The following KLHL29 variants were observed in gnomAD, a reference collection of about 807,000 sequenced individuals.
The protein encoded by KLHL29 is kelch-like protein 29.
In KLHL29, 21 loss-of-function variants were observed where a neutral mutation model predicts 80.4. The ratio of observed to expected loss-of-function variants is 0.26; its 90% CI spans 0.19 to 0.38. The LOEUF (loss-of-function observed/expected upper bound fraction) is 0.38, where lower values mean the gene tolerates loss of function less well. Ranked by LOEUF, KLHL29 falls within the 10% of genes least tolerant of loss-of-function variation. KLHL29 has a pLI of 1.00. For synonymous variants in KLHL29, 511 were observed against 526.8 expected (o/e 0.97, Z 0.41); for missense variants, 867 against 1,223.9 (o/e 0.71, Z 4.35).
intron 1 of KLHL29, among the ~76,000 whole-genome samples, chr2:23,388,566 C>G (rs550216792): frequency 6.6e-6 from 1 of 152,168 alleles, no homozygotes; most frequent in Non-Finnish European, 1.5e-5. Context: ...CATGCATTTC[C>G]ATGGTGATCC....
chr2:23,555,018 A>G (rs1667247583), intron 2 of KLHL29, among the ~76,000 whole-genome samples: 1 of 152,084 alleles, frequency 6.6e-6, no homozygotes, highest in Non-Finnish European at 1.5e-5. Context: ...GGCCTGGGAC[A>G]TGAGGGCACT....
intron 1 of KLHL29, among the ~76,000 whole-genome samples, chr2:23,387,267 C>CGAA (rs1054494306): frequency 1.3e-5 from 2 of 152,264 alleles, no homozygotes; most frequent in African/African-American, 4.8e-5. Flanking sequence ...CTGCAGGTTC[C>CGAA]AGCCTCTCTC....
chr2:23,396,074 A>G (rs1336970555), intron 1 of KLHL29, among the ~76,000 whole-genome samples: 1 of 152,236 alleles, frequency 6.6e-6, no homozygotes, highest in Non-Finnish European at 1.5e-5. Context: ...TTTTATAACA[A>G]TTGGGTCTAG....
intron 1 of KLHL29, among the ~76,000 whole-genome samples, chr2:23,461,755 C>G (rs572780354): frequency 3.6e-4 from 55 of 152,076 alleles, no homozygotes; most frequent in African/African-American, 1.3e-3. Context: ...GATGACTTTG[C>G]CTAATAAAAT....
chr2:23,394,659 T>C (rs771332526), intron 1 of KLHL29, among the ~76,000 whole-genome samples: 28 of 152,270 alleles, frequency 1.8e-4, no homozygotes, highest in Non-Finnish European at 3.2e-4. Flanking sequence ...ATCATATGTT[T>C]AGCCACATTG....
At chr2:23,465,375 C>A (rs1202774623) in intron 1 of KLHL29, among the ~76,000 whole-genome samples, 1 of 152,254 alleles carries the variant, frequency 6.6e-6, no homozygotes, top group East Asian at 1.9e-4. Context: ...CACCTCCTGC[C>A]TCTCTGTGTG....
chr2:23,578,368 A>T (rs980198500), intron 3 of KLHL29, among the ~76,000 whole-genome samples: 3 of 152,252 alleles, frequency 2.0e-5, no homozygotes, highest in Non-Finnish European at 4.4e-5. Context: ...GTGTGACCTT[A>T]GCAAGTTGCT....
chr2:23,618,948 G>A (rs1309513565), intron 3 of KLHL29, among the ~76,000 whole-genome samples: 1 of 152,244 alleles, frequency 6.6e-6, no homozygotes, highest in East Asian at 1.9e-4. Context: ...GCCGTGAACT[G>A]TGTGAATAGA....
At chr2:23,649,346 G>A (rs35706095) in intron 5 of KLHL29, among the ~76,000 whole-genome samples, 66 of 152,340 alleles carry the variant, frequency 4.3e-4, no homozygotes, top group African/African-American at 1.6e-3. Context: ...ACCTGCCCCA[G>A]CCCTGCTCAG....
rs1311130535 is a variant in KLHL29, at chr2:23,522,369, C to T, written c.-45-39783C>T. 4.6e-5 allele frequency among the ~76,000 whole-genome samples: 7 copies of T among 151,960 alleles called. 1 individual carries two copies. The highest frequency in any genetic ancestry group is 1.5e-4 in the African/African-American group (6 of 41,366). Reference sequence around the variant, plus strand: ...TCCACCATGTTGGCCAGGCTGGTCTCGAACTCCTGACCTCAAGTGATCCAC... The same window carrying T: ...TCCACCATGTTGGCCAGGCTGGTCTTGAACTCCTGACCTCAAGTGATCCAC... On this transcript the variant is annotated intron_variant, in intron 2 of 13. Transcript: ENST00000486442.
intron 2 of KLHL29, among the ~76,000 whole-genome samples, chr2:23,494,878 C>G (rs1422622371): frequency 6.6e-6 from 1 of 152,224 alleles, no homozygotes; most frequent in Non-Finnish European, 1.5e-5. Flanking sequence ...GCAGCTCACA[C>G]TGGCCTTGCA....
At chr2:23,418,983 C>T (rs561022418) in intron 1 of KLHL29, among the ~76,000 whole-genome samples, 1 of 152,256 alleles carries the variant, frequency 6.6e-6, no homozygotes, top group Admixed American at 6.5e-5. Context: ...AAAGAACAGG[C>T]TTTGTCTTTC....
chr2:23,552,423 AAAG>A (rs1253705034), intron 2 of KLHL29, among the ~76,000 whole-genome samples: 1 of 152,166 alleles, frequency 6.6e-6, no homozygotes, highest in Admixed American at 6.5e-5. Context: ...GTTAAAGAAA[AAAG>A]AAGAGCCTTG....
intron 5 of KLHL29, among the ~76,000 whole-genome samples, chr2:23,683,798 G>C (rs994516219): frequency 6.6e-6 from 1 of 152,104 alleles, no homozygotes; most frequent in Non-Finnish European, 1.5e-5. Flanking sequence ...TTGCTTTCCC[G>C]AAAAGTCCCC....
intron 2 of KLHL29, among the ~76,000 whole-genome samples, chr2:23,552,076 C>T (rs914556415): frequency 6.6e-6 from 1 of 152,244 alleles, no homozygotes; most frequent in African/African-American, 2.4e-5. Context: ...CAGAAGACCT[C>T]CCCTCTGAGC....
chr2:23,452,183 A>AT (rs1553325361), intron 1 of KLHL29, among the ~76,000 whole-genome samples: 11 of 149,260 alleles, frequency 7.4e-5, no homozygotes, highest in African/African-American at 1.5e-4. Context: ...AGAAAAAAAA[A>AT]TTTTTTTCTT....
At chr2:23,580,367 G>A (rs1667950867) in intron 3 of KLHL29, among the ~76,000 whole-genome samples, 1 of 133,188 alleles carries the variant, frequency 7.5e-6, no homozygotes, top group African/African-American at 2.7e-5. Context: ...GTGAGACTCT[G>A]TCTCATAAAA....
chr2:23,429,451 C>T (rs1357164615), intron 1 of KLHL29, among the ~76,000 whole-genome samples: 1 of 152,202 alleles, frequency 6.6e-6, no homozygotes, highest in Non-Finnish European at 1.5e-5. Context: ...ATAATTGCCT[C>T]ATCAAAAGTT....
intron 2 of KLHL29, among the ~76,000 whole-genome samples, chr2:23,531,363 A>G (rs1666484952): frequency 6.6e-6 from 1 of 152,164 alleles, no homozygotes; most frequent in African/African-American, 2.4e-5. Flanking sequence ...CAGTTTTGTG[A>G]TGCTCAAGGG....
Sources: gnomAD v4.1 joint callset for allele counts (sites outside exome capture counted in the v4.1 genomes callset) on GRCh38, gnomAD v4.1.1 for gene constraint, MANE v1.5 for transcripts, NCBI Gene and HGNC (gene_info 2026-07-23, HGNC 2026-07-21) for gene names.